The following TAFA2 variants were observed in gnomAD, a reference collection of about 807,000 sequenced individuals.
TAFA2 encodes the protein chemokine-like protein TAFA-2.
Under a neutral mutation model 18.8 loss-of-function variants are expected in TAFA2, and 7 were observed. That is an observed-to-expected ratio of 0.37 (90% CI 0.21 to 0.70). The LOEUF is 0.70. Ranked by LOEUF, TAFA2 falls within the 30% of genes least tolerant of loss-of-function variation. The probability of loss-of-function intolerance (pLI) is 0.53; values close to 1 mark genes in which losing one functional copy is unlikely to be tolerated. For missense variants in TAFA2, 122 were observed against 158.1 expected, an observed-to-expected ratio of 0.77 and a Z score of 1.23; for synonymous variants, 60 against 54.2, an observed-to-expected ratio of 1.11 and a Z score of -0.47.
intron 1 of TAFA2, among the ~76,000 whole-genome samples, chr12:62,100,227 T>C (rs1869134972): frequency 6.6e-6 from 1 of 151,888 alleles, no homozygotes; most frequent in African/African-American, 2.4e-5. Flanking sequence ...AACACCATGT[T>C]GTTTAACTAT....
intron 1 of TAFA2, among the ~76,000 whole-genome samples, chr12:62,125,032 T>A (rs1565752807): frequency 6.6e-6 from 1 of 152,146 alleles, no homozygotes; most frequent in Admixed American, 6.6e-5. Flanking sequence ...CCAAGTCAAC[T>A]CTTCTAAGCA....
At chr12:62,200,928 T>C (rs2062668322) in intron 1 of TAFA2, among the ~76,000 whole-genome samples, 1 of 152,212 alleles carries the variant, frequency 6.6e-6, no homozygotes, top group Non-Finnish European at 1.5e-5. Flanking sequence ...TGAGCAGTGG[T>C]TCGTAGTTCT....
At chr12:61,890,305 G>A (rs571773640) in intron 1 of TAFA2, 1 of 152,342 alleles carries the variant, frequency 6.6e-6, no homozygotes, top group South Asian at 2.1e-4. Flanking sequence ...CAGTGAGCAA[G>A]TAATTTGCCA....
At chr12:61,736,042 G>T (rs1197983249) in intron 4 of TAFA2, among the ~76,000 whole-genome samples, 12 of 151,966 alleles carry the variant, frequency 7.9e-5, no homozygotes, top group Admixed American at 6.6e-4. Flanking sequence ...CTGGGGTGTA[G>T]CACTTTGGGT....
At chr12:62,037,282 A>C (rs893227899) in intron 1 of TAFA2, among the ~76,000 whole-genome samples, 1 of 152,154 alleles carries the variant, frequency 6.6e-6, no homozygotes, top group African/African-American at 2.4e-5. Flanking sequence ...GGTGAGTTTC[A>C]TTCAAACCAA....
At chr12:62,173,305 C>T (rs377616953) in intron 1 of TAFA2, among the ~76,000 whole-genome samples, 1 of 151,858 alleles carries the variant, frequency 6.6e-6, no homozygotes, top group African/African-American at 2.4e-5. Context: ...CCCAGCTACT[C>T]GGAGGCTGAG....
At chr12:61,835,079 C>T (rs976805019) in intron 2 of TAFA2, among the ~76,000 whole-genome samples, 1 of 147,502 alleles carries the variant, frequency 6.8e-6, no homozygotes, top group Non-Finnish European at 1.5e-5. Context: ...TCAATTTCCA[C>T]TCATTGCCTG....
chr12:61,719,832 G>C (rs927253134), intron 4 of TAFA2, among the ~76,000 whole-genome samples: 2 of 152,156 alleles, frequency 1.3e-5, no homozygotes, highest in African/African-American at 4.8e-5. Flanking sequence ...AGAAGTTTGT[G>C]AGAACATGCC....
chr12:61,732,203 T>C (rs750477159), intron 4 of TAFA2, among the ~76,000 whole-genome samples: 4 of 151,768 alleles, frequency 2.6e-5, no homozygotes, highest in Non-Finnish European at 5.9e-5. Flanking sequence ...AAGAGCATTT[T>C]AGGCAGAGGT....
rs182102294 is a variant in TAFA2 at position 62,016,173 on chromosome 12, T to G, written c.-1-148747A>C. On this transcript the variant is annotated intron_variant, in intron 1 of 4. Transcript: ENST00000416284. ...TACAGAACTCTGGGTCCTCGGTTTG[T>G]TTTTGAGTTCCACGTGCACAAATAT... 8.2e-4 allele frequency among the ~76,000 whole-genome samples: 125 copies of G among 152,328 alleles called. 1 individual carries two copies. Among genetic ancestry groups the G allele is most frequent in the Admixed American group, 1.6e-3 (25 of 15,302 alleles).
chr12:61,994,601 T>C (rs1880121156), intron 1 of TAFA2, among the ~76,000 whole-genome samples: 1 of 152,154 alleles, frequency 6.6e-6, no homozygotes. Context: ...TCCATTCTAA[T>C]CATATTTCTA....
chr12:61,862,119 A>T (rs1013544320), intron 2 of TAFA2, among the ~76,000 whole-genome samples: 1 of 152,218 alleles, frequency 6.6e-6, no homozygotes, highest in Admixed American at 6.5e-5. Context: ...AAGAAAACAT[A>T]TTAGCCTCCT....
chr12:62,174,289 T>G (rs1398350066), intron 1 of TAFA2, among the ~76,000 whole-genome samples: 1 of 151,582 alleles, frequency 6.6e-6, no homozygotes, highest in Non-Finnish European at 1.5e-5. Context: ...GCCCTCCAGC[T>G]GGGCGACAGG....
At chr12:61,897,472 G>A (rs957122441) in intron 1 of TAFA2, among the ~76,000 whole-genome samples, 2 of 152,136 alleles carry the variant, frequency 1.3e-5, no homozygotes, top group African/African-American at 2.4e-5. Flanking sequence ...AGCATGGCTT[G>A]GGAAGCCTCA....
chr12:62,204,147 G>C (rs1565778702), intron 1 of TAFA2, among the ~76,000 whole-genome samples: 1 of 151,812 alleles, frequency 6.6e-6, no homozygotes, highest in East Asian at 1.9e-4. Flanking sequence ...TTTTTTTTAA[G>C]AATGTTGAAT....
At chr12:62,202,474 T>C (rs1482007345) in intron 1 of TAFA2, among the ~76,000 whole-genome samples, 1 of 152,030 alleles carries the variant, frequency 6.6e-6, no homozygotes, top group African/African-American at 2.4e-5. Context: ...GCCTCCCTAG[T>C]AGCTGGGCAC....
chr12:61,890,037 G>A (rs889315408), intron 1 of TAFA2, among the ~76,000 whole-genome samples: 29 of 152,198 alleles, frequency 1.9e-4, no homozygotes, highest in African/African-American at 7.0e-4. Context: ...TAGCCTGTGA[G>A]TTGAAGACTC....
intron 1 of TAFA2, among the ~76,000 whole-genome samples, chr12:62,029,141 G>T (rs1881384183): frequency 1.3e-5 from 2 of 151,906 alleles, no homozygotes; most frequent in African/African-American, 4.8e-5. Context: ...TTCACTAACT[G>T]GTTTTAAAAA....
chr12:61,885,511 T>C (rs550225826), intron 1 of TAFA2, among the ~76,000 whole-genome samples: 3 of 152,326 alleles, frequency 2.0e-5, no homozygotes, highest in Non-Finnish European at 2.9e-5. Context: ...ATGTAGATGA[T>C]AATACAATTA....
Sources: gnomAD v4.1 joint callset for allele counts (sites outside exome capture counted in the v4.1 genomes callset) on GRCh38, gnomAD v4.1.1 for gene constraint, MANE v1.5 for transcripts, NCBI Gene and HGNC (gene_info 2026-07-23, HGNC 2026-07-21) for gene names.